DNAH1: variants seen among roughly 807,000 people sequenced by gnomAD.
DNAH1 encodes dynein axonemal heavy chain 1.
A neutral mutation model predicts 484.3 loss-of-function variants in DNAH1; 327 were observed. The observed-to-expected ratio is 0.68, with a 90% CI of 0.62 to 0.74. DNAH1 has a LOEUF of 0.74. DNAH1 is among the 30% of genes least tolerant of loss of function. The pLI is 0.00. For missense variants in DNAH1, 5,052 were observed against 5,546.8 expected, an observed-to-expected ratio of 0.91 and a Z score of 2.83; for synonymous variants, 2,192 against 2,191.9, an observed-to-expected ratio of 1.00 and a Z score of 0.00.
chr3:52,326,950 G>A (rs1419199362), intron 5 of DNAH1, 59 bp downstream of exon 5: 5 of 1,552,384 alleles, frequency 3.2e-6, no homozygotes, highest in Admixed American at 1.9e-5. Flanking sequence ...GACCCCAGTG[G>A]ACGCTCAGGA....
At chr3:52,369,715 C>G in intron 37 of DNAH1, 110 bp from the exon 38 acceptor site, 2 of 1,214,890 alleles carry the variant, frequency 1.6e-6, no homozygotes, top group South Asian at 3.1e-5. Context: ...CACAGCCTGC[C>G]CACACCGCCC....
At position 52,357,601 on chromosome 3, in the gene DNAH1, C is replaced by T. The variant is rs777998876; in HGVS notation, c.3859-13C>T. Reference sequence around the variant, plus strand: ...CTCACTGCCCATTTCTGTGCATGGCCCGGGCCCTGCAGGTGATCAATGTGT... The same window carrying T: ...CTCACTGCCCATTTCTGTGCATGGCTCGGGCCCTGCAGGTGATCAATGTGT... On this transcript the variant is annotated splice_polypyrimidine_tract_variant and intron_variant, in intron 22 of 77. Coordinates refer to ENST00000420323, the MANE Select transcript of DNAH1 (RefSeq NM_015512.5). The T allele has an allele frequency of 3.1e-6, 5 of 1,595,596 alleles. No homozygotes were observed. In the South Asian group the frequency reaches 4.5e-5, roughly 14 times the overall value.
In DNAH1 at chr3:52,355,987, C is replaced by G. The variant is rs1431303666; in HGVS notation, c.3694-627C>G. 6.6e-6 allele frequency among the ~76,000 whole-genome samples: 1 copy of G among 152,232 alleles called. No homozygotes were observed. Among genetic ancestry groups the G allele is most frequent in the Non-Finnish European group, 1.5e-5 (1 of 68,026 alleles). On this transcript the variant is annotated intron_variant, in intron 21 of 77. Coordinates refer to ENST00000420323, the MANE Select transcript of DNAH1 (RefSeq NM_015512.5). This position sits in a 1 kb window ranked among gnomAD's most constrained non-coding sequence, Gnocchi z 4.5. Reference sequence around the variant, plus strand: ...GACCAGGCCGCATTCCCCTGTTTCCCCTAGTGCCTCCCAGGGCCTGGCACA... The same window carrying G: ...GACCAGGCCGCATTCCCCTGTTTCCGCTAGTGCCTCCCAGGGCCTGGCACA...
At chr3:52,332,790 G>T (rs1190827097) in intron 8 of DNAH1, among the ~76,000 whole-genome samples, 3 of 152,134 alleles carry the variant, frequency 2.0e-5, no homozygotes, top group African/African-American at 4.8e-5. Flanking sequence ...TTACTTTCTG[G>T]CACAGCAAGA....
chr3:52,373,391 C>T (rs1351255428), intron 44 of DNAH1, among the ~76,000 whole-genome samples: 2 of 152,200 alleles, frequency 1.3e-5, no homozygotes, highest in Non-Finnish European at 2.9e-5. Context: ...CGGCCCGCTC[C>T]AGCCATGCCG....
chr3:52,321,003 T>C (rs1328412394), intron 1 of DNAH1, among the ~76,000 whole-genome samples: 1 of 152,090 alleles, frequency 6.6e-6, no homozygotes, highest in African/African-American at 2.4e-5. Flanking sequence ...TTTTGCCATG[T>C]TGACCAGGCT....
At chr3:52,322,945 T>C (rs564723342) in intron 2 of DNAH1, among the ~76,000 whole-genome samples, 170 bp downstream of exon 2, 1 of 152,344 alleles carries the variant, frequency 6.6e-6, no homozygotes, top group African/African-American at 2.4e-5. Context: ...TCATCCATCC[T>C]TCCATCCATT....
chr3:52,346,843 A>G, intron 11 of DNAH1, 73 bp downstream of exon 11: 1 of 1,487,178 alleles, frequency 6.7e-7, no homozygotes, highest in African/African-American at 1.4e-5. Flanking sequence ...GAGCAGGGTC[A>G]GGGACCAGGG....
chr3:52,359,492 T>C (rs1702766067), intron 26 of DNAH1, 106 bp downstream of exon 26: 2 of 1,452,656 alleles, frequency 1.4e-6, no homozygotes, highest in South Asian at 2.7e-5. Context: ...GGAAGAGGCC[T>C]GGGGTTGGGT....
In DNAH1 at chr3:52,350,149, G is replaced by T. The variant is rs141685199; in HGVS notation, c.2646+41G>T. Reference sequence around the variant, plus strand: ...GGGCACTGGGGCCAGGGAGGCACAGGGCTGGTGTTAAGAGTCCGAGGGCTG... The same window carrying T: ...GGGCACTGGGGCCAGGGAGGCACAGTGCTGGTGTTAAGAGTCCGAGGGCTG... On this transcript the variant is annotated intron_variant, in intron 15 of 77. Transcript: ENST00000420323. 557 of 1,598,078 alleles carry T rather than the reference G, an allele frequency of 3.5e-4. 1 individual carries two copies. The African/African-American group carries it at 6.7e-3, about 19-fold the overall frequency.
chr3:52,373,670 T>C (rs1703455447), intron 44 of DNAH1: 3 of 1,398,532 alleles, frequency 2.1e-6, no homozygotes, highest in Non-Finnish European at 3.0e-6. Context: ...CTCCTGCTGA[T>C]CAAAAGAAGT....
At chr3:52,356,514 C>A in intron 21 of DNAH1, 100 bp from the exon 22 acceptor site, 1 of 1,272,962 alleles carries the variant, frequency 7.9e-7, no homozygotes. Context: ...GTGCTCTGCC[C>A]AACATGCTGG....
At position 52,400,306 on chromosome 3, in the gene DNAH1, C is replaced by T. The variant is rs761743676; in HGVS notation, c.12677-19C>T. 2 of 1,613,648 alleles carry T rather than the reference C, an allele frequency of 1.2e-6. No homozygotes were observed. Among genetic ancestry groups the T allele is most frequent in the Admixed American group, 1.7e-5 (1 of 59,998 alleles). On this transcript the variant is annotated intron_variant, in intron 77 of 77. Transcript: ENST00000420323. ...TAATAGGGCATGACCTAACCCGTCC[C>T]CCTCCTTGCCCATTCCAGGAACACT...
At chr3:52,366,940 G>A in intron 36 of DNAH1, 53 bp downstream of exon 36, 7 of 1,559,570 alleles carry the variant, frequency 4.5e-6, no homozygotes, top group Non-Finnish European at 6.1e-6. Flanking sequence ...ACCTCTGGAG[G>A]CTGTGGGCTG....
At chr3:52,318,925 T>C (rs1701047601) in intron 1 of DNAH1, among the ~76,000 whole-genome samples, 1 of 152,222 alleles carries the variant, frequency 6.6e-6, no homozygotes, top group African/African-American at 2.4e-5. Context: ...AGGATCCTTG[T>C]TGAATCGGGT....
rs778434834 is a variant in DNAH1 at position 52,373,934 on chromosome 3, A to G, written c.6985+881A>G. 5.3e-5 allele frequency: 70 copies of G among 1,324,902 alleles called. 1 individual carries two copies. The Middle Eastern group carries it at 7.3e-4, about 14-fold the overall frequency. 82.1% of individuals were successfully genotyped at this position (1,324,902 alleles called of 1,614,324 possible). On this transcript the variant is annotated intron_variant, in intron 44 of 77. Transcript: ENST00000420323. Reference sequence around the variant, plus strand: ...AATTTGACTCAGAGGAAGATGAACCAACGTTAGAAGCAGGCTGGCTTCATC... The same window carrying G: ...AATTTGACTCAGAGGAAGATGAACCGACGTTAGAAGCAGGCTGGCTTCATC...
Position 52,382,452 on chromosome 3 carries a change from C to A in DNAH1, c.7938C>A (p.Thr2646=), listed in dbSNP as rs750767760. The part of the protein sequence containing the change: ...NLPITFLFSD[T]QIKNESFLED... ...CCATCACCTTCCTCTTCTCAGACAC[C>A]CAGGTGCCACTGCCACAGCAGAGGG... Residue 2646 remains threonine (T), a synonymous_variant, in exon 50 of 78, where the codon ACC becomes ACA. Coordinates refer to ENST00000420323, the MANE Select transcript of DNAH1 (RefSeq NM_015512.5). The A allele has an allele frequency of 3.7e-6, 6 of 1,613,662 alleles. No homozygotes were observed. The highest frequency in any genetic ancestry group is 5.1e-6 in the Non-Finnish European group (6 of 1,179,664).
At position 52,361,037 on chromosome 3, in the gene DNAH1, G is replaced by C; in HGVS notation, c.4686-127G>C. 1 of 929,200 alleles carries C rather than the reference G, an allele frequency of 1.1e-6. No individual in the cohort carries two copies. Among genetic ancestry groups the C allele is most frequent in the Non-Finnish European group, 1.5e-6 (1 of 680,652 alleles). 57.6% of individuals were successfully genotyped at this position (929,200 alleles called of 1,614,324 possible). A position where few individuals can be genotyped will look rare whatever the true frequency, so the allele number is the denominator to read the frequency against. On this transcript the variant is annotated intron_variant, in intron 28 of 77. Transcript: ENST00000420323. This position sits in a 1 kb window ranked among gnomAD's most constrained non-coding sequence, Gnocchi z 5.6. Reference sequence around the variant, plus strand: ...GGCTCCAGTCCTGACCCCGGAGCCAGGGCTGGGCACACCCCAGCCCACCAA... The same window carrying C: ...GGCTCCAGTCCTGACCCCGGAGCCACGGCTGGGCACACCCCAGCCCACCAA...
chr3:52,374,650 C>T (rs774678475), intron 44 of DNAH1: 4 of 1,467,366 alleles, frequency 2.7e-6, no homozygotes, highest in African/African-American at 2.8e-5. Context: ...GACAATGCAG[C>T]GAAGATTCTG....
Sources: allele counts gnomAD v4.1 joint callset (sites outside exome capture counted in the v4.1 genomes callset), GRCh38; gene constraint gnomAD v4.1.1; non-coding constraint Gnocchi (gnomAD v3.1); transcripts MANE v1.5; gene names NCBI Gene and HGNC (gene_info 2026-07-23, HGNC 2026-07-21).